Variants in NR2C1 observed in about 807,000 individuals in gnomAD.
NR2C1 encodes TR2 nuclear hormone receptor.
A neutral mutation model predicts 74.8 loss-of-function variants in NR2C1; 33 were observed. The ratio of observed to expected loss-of-function variants is 0.44; its 90% CI spans 0.33 to 0.59. The LOEUF is 0.59. NR2C1 is among the 20% of genes least tolerant of loss of function. The probability of loss-of-function intolerance (pLI) is 0.02; values close to 1 mark genes in which losing one functional copy is unlikely to be tolerated. For synonymous variants in NR2C1, 225 were observed against 240.6 expected, an observed-to-expected ratio of 0.94 and a Z score of 0.60; for missense variants, 568 against 715.6, an observed-to-expected ratio of 0.79 and a Z score of 2.35.
chr12:95,068,978 A>G (rs1040305987), intron 1 of NR2C1, among the ~76,000 whole-genome samples: 5 of 152,066 alleles, frequency 3.3e-5, no homozygotes, highest in African/African-American at 1.2e-4. Flanking sequence ...AAAAAAAAAG[A>G]AAAAGAAAAA....
At position 95,073,593 on chromosome 12, in the gene NR2C1, C is replaced by A. The variant is rs1215299091; in HGVS notation, c.-221G>T. 1.3e-5 allele frequency: 2 copies of A among 152,294 alleles called. No homozygotes were observed. Among genetic ancestry groups the A allele is most frequent in the African/African-American group, 4.8e-5 (2 of 41,474 alleles). 9.4% of individuals were successfully genotyped at this position (152,294 alleles called of 1,614,324 possible). A position where few individuals can be genotyped will look rare whatever the true frequency, so the allele number is the denominator to read the frequency against. On this transcript the variant is annotated 5_prime_UTR_variant, in exon 1 of 14. Coordinates refer to ENST00000333003, the MANE Select transcript of NR2C1 (RefSeq NM_003297.4). ...CTTTCTCGGCTCGGCGGCGCGCTAT[C>A]CCGCCAGCGCCTGCGCATTAGCAAC... is the stretch of plus-strand genomic sequence containing the variant.
chr12:95,031,271 T>G lies in NR2C1; in HGVS notation c.1393+78A>C, dbSNP rs1001889963. On this transcript the variant is annotated intron_variant, in intron 11 of 13. Coordinates refer to ENST00000333003, the MANE Select transcript of NR2C1 (RefSeq NM_003297.4). ...ACACTAATATAATAATTATTAGATA[T>G]CTAACTTTAGTCATAACATTTAATG... 249 of 1,215,904 alleles carry G rather than the reference T, an allele frequency of 2.0e-4. 1 individual carries two copies. Among genetic ancestry groups the G allele is most frequent in the Non-Finnish European group, 2.6e-4 (237 of 908,258 alleles). The allele number at this position is 1,215,904 out of a possible 1,614,324, so 75.3% of individuals were successfully genotyped here.
At chr12:95,057,424 TA>T (rs554581574) in intron 7 of NR2C1, 128 bp downstream of exon 7, 26,969 of 475,228 alleles carry the variant, frequency 0.057, no homozygotes, top group East Asian at 0.069. Flanking sequence ...TAATTTATAT[TA>T]AAAAAAAAAA....
At chr12:95,025,068 T>C (rs765937083) in intron 13 of NR2C1, 82 bp downstream of exon 13, 4 of 592,026 alleles carry the variant, frequency 6.8e-6, no homozygotes, top group Non-Finnish European at 1.1e-5. Flanking sequence ...ATTTAATTAT[T>C]GTGAGAGTAG....
At chr12:95,067,438 C>A in intron 1 of NR2C1, 47 bp from the exon 2 acceptor site, 1 of 1,276,882 alleles carries the variant, frequency 7.8e-7, no homozygotes, top group South Asian at 1.2e-5. Flanking sequence ...ACAAAACACT[C>A]TTATTAAATA....
intron 2 of NR2C1, chr12:95,067,055 A>G: frequency 2.2e-6 from 1 of 458,188 alleles, no homozygotes; most frequent in Non-Finnish European, 3.8e-6. Context: ...ATTCCTACTC[A>G]CTCTACAGCT....
chr12:95,035,822 G>T (rs1191082814), intron 10 of NR2C1, among the ~76,000 whole-genome samples: 1 of 152,160 alleles, frequency 6.6e-6, no homozygotes, highest in Admixed American at 6.5e-5. Flanking sequence ...AGAGAATGAC[G>T]AAGAATGACC....
At chr12:95,042,412 C>T (rs1480255305) in intron 9 of NR2C1, among the ~76,000 whole-genome samples, 2 of 151,844 alleles carry the variant, frequency 1.3e-5, no homozygotes, top group African/African-American at 4.8e-5. Flanking sequence ...GGGGTTGTAC[C>T]ACGTTGGCCA....
Position 95,069,566 on chromosome 12 carries a change from G to C in NR2C1, c.-7-2175C>G, listed in dbSNP as rs548985128. On this transcript the variant is annotated intron_variant, in intron 1 of 13. Transcript: ENST00000333003. The stretch of plus-strand genomic sequence containing the variant: ...ATGGTAAGTTATACCATTTAGTTTT[G>C]TGTAAGTATGCTCTATGATGTTCAT... 5.9e-5 allele frequency among the ~76,000 whole-genome samples: 9 copies of C among 152,260 alleles called. No homozygotes were observed. The South Asian group carries it at 1.9e-3, about 32-fold the overall frequency.
At chr12:95,042,518 A>G (rs1871696004) in intron 9 of NR2C1, among the ~76,000 whole-genome samples, 1 of 152,066 alleles carries the variant, frequency 6.6e-6, no homozygotes, top group Non-Finnish European at 1.5e-5. Flanking sequence ...TGGCCTGTCA[A>G]AGGTATCTGC....
At chr12:95,053,832 C>T (rs920788995) in intron 7 of NR2C1, among the ~76,000 whole-genome samples, 2 of 151,768 alleles carry the variant, frequency 1.3e-5, no homozygotes, top group Non-Finnish European at 2.9e-5. Flanking sequence ...TACAGGCGCC[C>T]GCCACCATGC....
At chr12:95,048,039 A>G (rs930103421) in intron 9 of NR2C1, among the ~76,000 whole-genome samples, 1 of 152,234 alleles carries the variant, frequency 6.6e-6, no homozygotes, top group Non-Finnish European at 1.5e-5. Context: ...GTAAGTTAAA[A>G]ACTAAAAGTT....
At chr12:95,062,828 A>G in intron 2 of NR2C1, 90 bp from the exon 3 acceptor site, 1 of 919,902 alleles carries the variant, frequency 1.1e-6, no homozygotes, top group Non-Finnish European at 1.7e-6. Flanking sequence ...TTACATATAT[A>G]TTCAATATAA....
At chr12:95,064,322 C>G (rs1875289326) in intron 2 of NR2C1, among the ~76,000 whole-genome samples, 1 of 96,612 alleles carries the variant, frequency 1.0e-5, no homozygotes, top group South Asian at 3.8e-4. Context: ...CAGTGAGAGT[C>G]TGTCTCAAAA....
At chr12:95,041,792 A>G (rs1316735672) in intron 9 of NR2C1, among the ~76,000 whole-genome samples, 1 of 152,228 alleles carries the variant, frequency 6.6e-6, no homozygotes, top group Non-Finnish European at 1.5e-5. Flanking sequence ...TACCACTTCT[A>G]AATCTCTGTT....
chr12:95,070,720 T>C (rs931267151), intron 1 of NR2C1, among the ~76,000 whole-genome samples: 7 of 152,228 alleles, frequency 4.6e-5, no homozygotes, highest in Admixed American at 1.3e-4. Context: ...CAATATTTAT[T>C]ATGCATTCAC....
intron 9 of NR2C1, among the ~76,000 whole-genome samples, chr12:95,044,600 G>A (rs1191235436): frequency 6.6e-6 from 1 of 152,130 alleles, no homozygotes; most frequent in African/African-American, 2.4e-5. Context: ...AAAATCACTG[G>A]ATGGCCGGGT....
chr12:95,033,002 C>T (rs944398175), intron 10 of NR2C1, among the ~76,000 whole-genome samples: 1 of 151,848 alleles, frequency 6.6e-6, no homozygotes, highest in African/African-American at 2.4e-5. Flanking sequence ...GGTGCTGTGG[C>T]ACATGCCTAT....
intron 1 of NR2C1, among the ~76,000 whole-genome samples, chr12:95,069,571 A>G (rs1411518731): frequency 1.3e-5 from 2 of 152,206 alleles, no homozygotes; most frequent in African/African-American, 2.4e-5. Flanking sequence ...GTTTTGTGTA[A>G]GTATGCTCTA....
Sources: allele counts gnomAD v4.1 joint callset (sites outside exome capture counted in the v4.1 genomes callset), GRCh38; gene constraint gnomAD v4.1.1; transcripts MANE v1.5; gene names NCBI Gene and HGNC (gene_info 2026-07-23, HGNC 2026-07-21).